The following TCF7L1 variants were observed in gnomAD, a reference collection of about 807,000 sequenced individuals.
TCF7L1 encodes transcription factor 7 like 1.
A neutral mutation model predicts 63.7 loss-of-function variants in TCF7L1; 18 were observed. The observed-to-expected ratio is 0.28, with a 90% CI of 0.20 to 0.42. The LOEUF (loss-of-function observed/expected upper bound fraction) is 0.42. Ranked by LOEUF, TCF7L1 falls within the 10% of genes least tolerant of loss-of-function variation. The pLI is 1.00. For synonymous variants in TCF7L1, 355 were observed against 340.9 expected, an observed-to-expected ratio of 1.04 and a Z score of -0.46; for missense variants, 654 against 779.3, an observed-to-expected ratio of 0.84 and a Z score of 1.91.
At chr2:85,164,448 T>C (rs1404913873) in intron 3 of TCF7L1, among the ~76,000 whole-genome samples, 1 of 152,030 alleles carries the variant, frequency 6.6e-6, no homozygotes, top group Non-Finnish European at 1.5e-5. Flanking sequence ...GAGGGGTTTG[T>C]TTTAAAGCGA....
chr2:85,144,658 A>G (rs1238146894), intron 3 of TCF7L1, among the ~76,000 whole-genome samples: 1 of 151,246 alleles, frequency 6.6e-6, no homozygotes, highest in African/African-American at 2.4e-5. Context: ...TTACACAGTT[A>G]TTTTGGGAAT....
chr2:85,263,879 G>C (rs1242133944), intron 3 of TCF7L1, among the ~76,000 whole-genome samples: 1 of 152,258 alleles, frequency 6.6e-6, no homozygotes, highest in African/African-American at 2.4e-5. Context: ...TGGAAAACCA[G>C]CCGAAAGGGT....
intron 3 of TCF7L1, among the ~76,000 whole-genome samples, chr2:85,271,691 A>G (rs1201367378): frequency 1.3e-5 from 2 of 152,152 alleles, no homozygotes; most frequent in Non-Finnish European, 2.9e-5. Context: ...CTCCTGTGGT[A>G]TATCATGCAT....
In TCF7L1 at chr2:85,140,240, G is replaced by A. The variant is rs137927899; in HGVS notation, c.441+5790G>A. 1.5e-3 allele frequency among the ~76,000 whole-genome samples: 231 copies of A among 152,262 alleles called. 1 individual carries two copies. The highest frequency in any genetic ancestry group is 2.4e-3 in the Admixed American group (36 of 15,300). Reference sequence around the variant, plus strand: ...GGACAGATGCTTACTGAATATTTTGGCGATGACAGAGCCCACACAGTCTAT... The same window carrying A: ...GGACAGATGCTTACTGAATATTTTGACGATGACAGAGCCCACACAGTCTAT... On this transcript the variant is annotated intron_variant, in intron 3 of 11. Coordinates refer to ENST00000282111, the MANE Select transcript of TCF7L1 (RefSeq NM_031283.3).
intron 3 of TCF7L1, among the ~76,000 whole-genome samples, chr2:85,227,258 A>G (rs1023607576): frequency 6.6e-6 from 1 of 152,044 alleles, no homozygotes; most frequent in African/African-American, 2.4e-5. Flanking sequence ...TGCTCTGCTT[A>G]CACTGTCAAA....
At chr2:85,237,842 C>T (rs1290541192) in intron 3 of TCF7L1, among the ~76,000 whole-genome samples, 2 of 151,918 alleles carry the variant, frequency 1.3e-5, no homozygotes, top group Non-Finnish European at 2.9e-5. Flanking sequence ...AACAGGAGGC[C>T]TAAAGCGGGG....
chr2:85,254,532 G>C (rs1225244198), intron 3 of TCF7L1, among the ~76,000 whole-genome samples: 1 of 152,088 alleles, frequency 6.6e-6, no homozygotes, highest in Non-Finnish European at 1.5e-5. Flanking sequence ...CTGTAAAAAG[G>C]GTTTGCCTAG....
At chr2:85,222,348 A>AAAAC (rs1402949492) in intron 3 of TCF7L1, among the ~76,000 whole-genome samples, 2 of 147,600 alleles carry the variant, frequency 1.4e-5, no homozygotes, top group Non-Finnish European at 3.0e-5. Context: ...CTCAAAAAAA[A>AAAAC]AAACAAACAA....
intron 3 of TCF7L1, among the ~76,000 whole-genome samples, chr2:85,214,263 C>T (rs927359371): frequency 1.3e-5 from 2 of 152,126 alleles, no homozygotes; most frequent in South Asian, 2.1e-4. Flanking sequence ...CTACCAGATT[C>T]GATTACCGGG....
intron 4 of TCF7L1, among the ~76,000 whole-genome samples, chr2:85,293,510 G>A (rs944866521): frequency 4.6e-5 from 7 of 152,160 alleles, no homozygotes; most frequent in Admixed American, 6.6e-5. Flanking sequence ...TGTACAGCCT[G>A]CTTAACTGTG....
intron 3 of TCF7L1, among the ~76,000 whole-genome samples, chr2:85,231,973 G>T (rs1680089695): frequency 6.7e-6 from 1 of 149,430 alleles, no homozygotes; most frequent in Non-Finnish European, 1.5e-5. Context: ...TGCTCAAGAG[G>T]ATTGAGTTAA....
At chr2:85,205,089 G>C (rs893302255) in intron 3 of TCF7L1, 5 of 152,092 alleles carry the variant, frequency 3.3e-5, no homozygotes, top group African/African-American at 9.7e-5. Flanking sequence ...ATGAGATTAG[G>C]AGAATTAGGA....
intron 3 of TCF7L1, among the ~76,000 whole-genome samples, chr2:85,136,853 C>A (rs576597073): frequency 6.6e-6 from 1 of 152,272 alleles, no homozygotes; most frequent in South Asian, 2.1e-4. Flanking sequence ...TGATGGTTTT[C>A]TGCTGAACGA....
At chr2:85,276,986 G>A (rs1460837729) in intron 3 of TCF7L1, among the ~76,000 whole-genome samples, 1 of 152,204 alleles carries the variant, frequency 6.6e-6, no homozygotes, top group African/African-American at 2.4e-5. Flanking sequence ...GAAGGATGCA[G>A]TAAAGGCCGT....
At chr2:85,285,444 A>G (rs1391431380) in intron 4 of TCF7L1, among the ~76,000 whole-genome samples, 2 of 152,196 alleles carry the variant, frequency 1.3e-5, no homozygotes, top group Middle Eastern at 3.2e-3. Context: ...TGTCACAGCC[A>G]TCACCAGGGA....
At chr2:85,173,303 A>G (rs1678597194) in intron 3 of TCF7L1, among the ~76,000 whole-genome samples, 2 of 146,128 alleles carry the variant, frequency 1.4e-5, no homozygotes, top group African/African-American at 2.5e-5. Flanking sequence ...AGGGGTGTGG[A>G]GGAGCAGGGG....
intron 3 of TCF7L1, among the ~76,000 whole-genome samples, chr2:85,235,008 G>A (rs937482761): frequency 3.9e-5 from 6 of 152,128 alleles, no homozygotes; most frequent in East Asian, 1.9e-4. Flanking sequence ...CCTGTCTAGC[G>A]CACTGTGCTC....
intron 3 of TCF7L1, among the ~76,000 whole-genome samples, chr2:85,239,944 TA>T (rs11337671): frequency 0.67 from 70,102 of 103,972 alleles, 21,057 homozygotes; most frequent in East Asian, 0.86. Flanking sequence ...AGACTCCATC[TA>T]AAAAAAAAAA....
intron 3 of TCF7L1, among the ~76,000 whole-genome samples, chr2:85,276,385 C>T (rs1681269678): frequency 6.6e-6 from 1 of 152,186 alleles, no homozygotes; most frequent in African/African-American, 2.4e-5. Context: ...CAGGCGTTGC[C>T]CATGAGTGAA....
Sources: gnomAD v4.1 joint callset for allele counts (sites outside exome capture counted in the v4.1 genomes callset) on GRCh38, gnomAD v4.1.1 for gene constraint, MANE v1.5 for transcripts, NCBI Gene and HGNC (gene_info 2026-07-23, HGNC 2026-07-21) for gene names.